The following KCNN2 variants were observed in gnomAD, a reference collection of about 807,000 sequenced individuals.
KCNN2 encodes the protein small conductance calcium-activated potassium channel protein 2.
Under a neutral mutation model 55.5 loss-of-function variants are expected in KCNN2, and 24 were observed. The observed-to-expected ratio is 0.43, with a 90% CI of 0.31 to 0.61. The LOEUF is 0.61. Among genes scored for constraint, KCNN2 ranks in the 20% least tolerant of loss-of-function variants. The pLI, the probability that KCNN2 is intolerant of heterozygous loss-of-function variation, is 0.08. For synonymous variants in KCNN2, 431 were observed against 336.1 expected, an observed-to-expected ratio of 1.28 and a Z score of -3.09; for missense variants, 754 against 853.6, an observed-to-expected ratio of 0.88 and a Z score of 1.45.
At chr5:114,275,542 T>C (rs1755467610) in intron 2 of KCNN2, among the ~76,000 whole-genome samples, 1 of 152,200 alleles carries the variant, frequency 6.6e-6, no homozygotes, top group African/African-American at 2.4e-5. Context: ...GAGATTCAAC[T>C]TCTTCCTGGT....
At chr5:114,077,274 G>T (rs957414493) in intron 1 of KCNN2, among the ~76,000 whole-genome samples, 2 of 152,198 alleles carry the variant, frequency 1.3e-5, no homozygotes, top group African/African-American at 2.4e-5. Flanking sequence ...TATCAGTGGG[G>T]GTCTGCATTA....
chr5:114,099,603 G>A (rs13189349), intron 1 of KCNN2, among the ~76,000 whole-genome samples: 31,116 of 152,036 alleles, frequency 0.2, 3,580 homozygotes, highest in African/African-American at 0.31. Context: ...CAGCCTCCCA[G>A]GTAGCTGGGA....
chr5:114,386,202 A>T (rs1336921959), intron 2 of KCNN2, among the ~76,000 whole-genome samples: 2 of 145,776 alleles, frequency 1.4e-5, no homozygotes, highest in African/African-American at 4.9e-5. Context: ...AAAAAAAAAA[A>T]GTGAAGTATA....
intron 1 of KCNN2, among the ~76,000 whole-genome samples, chr5:114,175,920 T>C (rs1401693304): frequency 6.6e-6 from 1 of 152,224 alleles, no homozygotes; most frequent in Non-Finnish European, 1.5e-5. Flanking sequence ...CTGAAAACAG[T>C]AAATTTCAAA....
intron 1 of KCNN2, among the ~76,000 whole-genome samples, chr5:114,220,549 A>T (rs567290354): frequency 3.8e-4 from 58 of 152,180 alleles, no homozygotes; most frequent in South Asian, 8.3e-4. Flanking sequence ...AATGTTTTTT[A>T]AAAAAAGAGA....
At chr5:114,212,876 A>G (rs1341452090) in intron 1 of KCNN2, among the ~76,000 whole-genome samples, 1 of 152,070 alleles carries the variant, frequency 6.6e-6, no homozygotes, top group Non-Finnish European at 1.5e-5. Flanking sequence ...TTTCTGATTT[A>G]TACGATAAAT....
intron 1 of KCNN2, among the ~76,000 whole-genome samples, chr5:114,211,269 AC>A (rs1753878490): frequency 6.6e-6 from 1 of 152,176 alleles, no homozygotes; most frequent in South Asian, 2.1e-4. Flanking sequence ...AAGTATGTTC[AC>A]TGCAGCAATA....
At chr5:114,205,009 G>T (rs1381071010) in intron 1 of KCNN2, among the ~76,000 whole-genome samples, 2 of 152,148 alleles carry the variant, frequency 1.3e-5, no homozygotes, top group Non-Finnish European at 2.9e-5. Flanking sequence ...TATTCAGCCA[G>T]CTGAATGAAA....
chr5:114,366,435 G>T (rs13157115), intron 2 of KCNN2, among the ~76,000 whole-genome samples: 2 of 151,832 alleles, frequency 1.3e-5, no homozygotes. Context: ...TTTTTTACTC[G>T]GTGTATTATC....
rs147064916 is a variant in KCNN2 at position 114,064,424 on chromosome 5, T to C, written c.-271+7924T>C. The stretch of plus-strand genomic sequence containing the variant: ...AGTCTCCATGCTAGAGGGAGAACCA[T>C]TCAAAGTCCACAGTGCTGTGAGGAA... On this transcript the variant is annotated intron_variant, in intron 1 of 10. Coordinates refer to the KCNN2 transcript ENST00000512097. Among the ~76,000 whole-genome samples the C allele has an allele frequency of 2.1e-3, 313 of 152,268 alleles. 3 individuals carry two copies. The highest frequency in any genetic ancestry group is 7.2e-3 in the African/African-American group (300 of 41,560).
At chr5:114,288,764 C>T (rs1046427785) in intron 2 of KCNN2, among the ~76,000 whole-genome samples, 16 of 151,920 alleles carry the variant, frequency 1.1e-4, no homozygotes, top group African/African-American at 3.9e-4. Flanking sequence ...AGAGAATAAA[C>T]CCTTGTTAGA....
At chr5:114,237,619 C>T (rs1413111477) in intron 2 of KCNN2, among the ~76,000 whole-genome samples, 1 of 151,886 alleles carries the variant, frequency 6.6e-6, no homozygotes, top group African/African-American at 2.4e-5. Context: ...TTTATTTTAC[C>T]TGATGAAAAT....
At chr5:114,372,782 TTCA>T (rs1757801531) in intron 2 of KCNN2, among the ~76,000 whole-genome samples, 1 of 152,140 alleles carries the variant, frequency 6.6e-6, no homozygotes, top group South Asian at 2.1e-4. Context: ...TTATATTCTC[TTCA>T]TGTAACTTTT....
intron 2 of KCNN2, among the ~76,000 whole-genome samples, chr5:114,377,456 T>C (rs1183820869): frequency 2.0e-5 from 3 of 152,202 alleles, no homozygotes; most frequent in Non-Finnish European, 4.4e-5. Flanking sequence ...CTCGTGTTTA[T>C]GTTGAATGAT....
intron 1 of KCNN2, among the ~76,000 whole-genome samples, chr5:114,179,913 A>C (rs901400592): frequency 6.6e-6 from 1 of 152,238 alleles, no homozygotes; most frequent in Non-Finnish European, 1.5e-5. Context: ...TAGAGAAATA[A>C]AACACAAGAA....
chr5:114,059,111 G>T (rs183974240), intron 1 of KCNN2, among the ~76,000 whole-genome samples: 21 of 152,294 alleles, frequency 1.4e-4, no homozygotes, highest in Middle Eastern at 3.4e-3. Flanking sequence ...TTGAGGAGAA[G>T]TGGATAGATT....
At chr5:114,202,700 C>T (rs1753699753) in intron 1 of KCNN2, among the ~76,000 whole-genome samples, 2 of 150,864 alleles carry the variant, frequency 1.3e-5, no homozygotes, top group African/African-American at 4.9e-5. Context: ...CATTCTCCTG[C>T]CTCAGCCTCC....
At chr5:114,381,594 C>G (rs1758127822) in intron 2 of KCNN2, among the ~76,000 whole-genome samples, 1 of 152,206 alleles carries the variant, frequency 6.6e-6, no homozygotes, top group Non-Finnish European at 1.5e-5. Context: ...ACAGCATGTC[C>G]TACTGTGATC....
intron 1 of KCNN2, among the ~76,000 whole-genome samples, chr5:114,179,419 G>C (rs567102912): frequency 6.6e-6 from 1 of 152,292 alleles, no homozygotes; most frequent in Admixed American, 6.5e-5. Flanking sequence ...AGAAAGGAGA[G>C]AACAAGAGTA....
Sources: gnomAD v4.1 joint callset for allele counts (sites outside exome capture counted in the v4.1 genomes callset) on GRCh38, gnomAD v4.1.1 for gene constraint, MANE v1.5 for transcripts, NCBI Gene and HGNC (gene_info 2026-07-23, HGNC 2026-07-21) for gene names.